Variants in DOCK1 observed in about 807,000 individuals in gnomAD.
DOCK1 encodes the protein dedicator of cytokinesis protein 1.
DOCK1 carries 138 observed loss-of-function variants against 262.7 expected under a neutral mutation model. That is an observed-to-expected ratio of 0.53 (90% confidence interval 0.46 to 0.61). The LOEUF (loss-of-function observed/expected upper bound fraction) is 0.61. Among genes scored for constraint, DOCK1 ranks in the 20% least tolerant of loss-of-function variants. The pLI, the probability that DOCK1 is intolerant of heterozygous loss-of-function variation, is 0.00. For missense variants in DOCK1, 1,908 were observed against 2,370.7 expected (o/e 0.80, Z 4.05); for synonymous variants, 866 against 867.4 (o/e 1.00, Z 0.03).
chr10:127,408,954 A>G (rs777619769), intron 40 of DOCK1, 83 bp from the exon 41 acceptor site: 14 of 1,463,550 alleles, frequency 9.6e-6, no homozygotes, highest in African/African-American at 1.4e-5. Context: ...CCCGTAAGGC[A>G]TATTTTAAGG....
intron 1 of DOCK1, among the ~76,000 whole-genome samples, chr10:126,931,542 T>A (rs2134184021): frequency 6.6e-6 from 1 of 152,262 alleles, no homozygotes; most frequent in African/African-American, 2.4e-5. Flanking sequence ...TCTCATGGGC[T>A]CAGACTTGGA....
chr10:127,379,743 A>G (rs988707495), intron 35 of DOCK1, among the ~76,000 whole-genome samples: 1 of 151,774 alleles, frequency 6.6e-6, no homozygotes, highest in Non-Finnish European at 1.5e-5. Context: ...GTATTCATTT[A>G]TTCTGATGAG....
chr10:127,364,973 G>A (rs1045080380), intron 33 of DOCK1, among the ~76,000 whole-genome samples: 1 of 151,998 alleles, frequency 6.6e-6, no homozygotes, highest in Admixed American at 6.6e-5. Flanking sequence ...CTGGCTCACT[G>A]TCAGTCTGTG....
chr10:127,428,524 G>T (rs921614999), intron 47 of DOCK1, among the ~76,000 whole-genome samples: 1 of 140,386 alleles, frequency 7.1e-6, no homozygotes, highest in Non-Finnish European at 1.6e-5. Context: ...GTGCCATGTC[G>T]ATTGTGCCAT....
At chr10:127,349,415 G>A (rs1008706226) in intron 31 of DOCK1, among the ~76,000 whole-genome samples, 5 of 152,044 alleles carry the variant, frequency 3.3e-5, no homozygotes, top group Non-Finnish European at 7.3e-5. Context: ...GCTTTTTGGT[G>A]TCTGCTCTCT....
At chr10:127,273,812 G>T (rs1198357944) in intron 29 of DOCK1, among the ~76,000 whole-genome samples, 4 of 151,528 alleles carry the variant, frequency 2.6e-5, no homozygotes, top group African/African-American at 7.3e-5. Flanking sequence ...AACCTGGGTC[G>T]CAGAGGTTGC....
intron 27 of DOCK1, among the ~76,000 whole-genome samples, chr10:127,149,566 C>A (rs2052276529): frequency 6.6e-6 from 1 of 152,162 alleles, no homozygotes; most frequent in South Asian, 2.1e-4. Flanking sequence ...CTGGGCCAGG[C>A]ATTACTGGAA....
intron 4 of DOCK1, among the ~76,000 whole-genome samples, chr10:126,986,093 C>G (rs2039366047): frequency 6.6e-6 from 1 of 152,070 alleles, no homozygotes; most frequent in African/African-American, 2.4e-5. Context: ...ATCCACCCAC[C>G]TCGGCCTCCC....
intron 30 of DOCK1, among the ~76,000 whole-genome samples, chr10:127,339,737 A>ATGCG (rs2063352870): frequency 3.7e-5 from 1 of 27,116 alleles, no homozygotes; most frequent in Admixed American, 4.2e-4. Flanking sequence ...GTGTGTGTGC[A>ATGCG]TGCTGTAAGG....
At chr10:127,253,851 GGT>G (rs1348135891) in intron 28 of DOCK1, among the ~76,000 whole-genome samples, 1 of 134,942 alleles carries the variant, frequency 7.4e-6, no homozygotes, top group African/African-American at 2.7e-5. Flanking sequence ...CTCCAGCCTG[GGT>G]GATAGCATGA....
intron 1 of DOCK1, among the ~76,000 whole-genome samples, chr10:126,912,464 C>T (rs541125587): frequency 8.6e-5 from 13 of 150,762 alleles, no homozygotes; most frequent in Admixed American, 2.7e-4. Flanking sequence ...CGGTGGCTCA[C>T]GCCTGTAATC....
chr10:127,008,903 G>A (rs1186288544), intron 11 of DOCK1, 99 bp downstream of exon 11: 5 of 1,143,356 alleles, frequency 4.4e-6, no homozygotes, highest in South Asian at 3.0e-5. Context: ...CATAACTAAG[G>A]ATTGATTATT....
intron 31 of DOCK1, among the ~76,000 whole-genome samples, chr10:127,353,509 T>C (rs2063988291): frequency 6.6e-6 from 1 of 152,174 alleles, no homozygotes; most frequent in African/African-American, 2.4e-5. Context: ...TCTCCTACCA[T>C]GGCCTCAATG....
intron 31 of DOCK1, chr10:127,344,519 A>G (rs1490860607): frequency 6.6e-6 from 1 of 152,152 alleles, no homozygotes; most frequent in Admixed American, 6.5e-5. Context: ...TCTGTTTGTC[A>G]TTTTATAAAT....
intron 27 of DOCK1, among the ~76,000 whole-genome samples, chr10:127,212,062 A>C (rs1022481476): frequency 1.3e-5 from 2 of 152,218 alleles, no homozygotes; most frequent in South Asian, 4.1e-4. Flanking sequence ...CATATATTAC[A>C]AAATTATTCA....
intron 1 of DOCK1, among the ~76,000 whole-genome samples, chr10:126,916,539 T>C (rs2032514642): frequency 6.6e-6 from 1 of 152,202 alleles, no homozygotes; most frequent in African/African-American, 2.4e-5. Flanking sequence ...ATGAAGCCTG[T>C]ATGTTTCAGC....
At chr10:127,065,959 G>A (rs572397092) in intron 23 of DOCK1, among the ~76,000 whole-genome samples, 3 of 151,962 alleles carry the variant, frequency 2.0e-5, no homozygotes, top group African/African-American at 7.2e-5. Flanking sequence ...AGTGCTGACC[G>A]TCCCCCTCCC....
intron 1 of DOCK1, among the ~76,000 whole-genome samples, chr10:126,946,200 TTC>T (rs2035388631): frequency 6.6e-6 from 1 of 152,190 alleles, no homozygotes; most frequent in Non-Finnish European, 1.5e-5. Context: ...GTGCTACTCA[TTC>T]TCTGTTTCCA....
intron 29 of DOCK1, among the ~76,000 whole-genome samples, chr10:127,265,378 A>G (rs903617970): frequency 6.6e-6 from 1 of 151,972 alleles, no homozygotes; most frequent in Admixed American, 6.6e-5. Flanking sequence ...TCTGTGTGTT[A>G]CACATTAAAA....
Sources: allele counts gnomAD v4.1 joint callset (sites outside exome capture counted in the v4.1 genomes callset), GRCh38; gene constraint gnomAD v4.1.1; transcripts MANE v1.5; gene names NCBI Gene and HGNC (gene_info 2026-07-23, HGNC 2026-07-21).